The following CAPZA1 variants were observed in gnomAD, a reference collection of about 807,000 sequenced individuals.
CAPZA1 encodes capping actin protein of muscle Z-line subunit alpha 1.
CAPZA1 carries 10 observed loss-of-function variants against 40.8 expected under a neutral mutation model. The observed-to-expected ratio is 0.25, with a 90% CI of 0.15 to 0.42. CAPZA1 has a LOEUF of 0.42. Among genes scored for constraint, CAPZA1 ranks in the 10% least tolerant of loss-of-function variants. The pLI, the probability that CAPZA1 is intolerant of heterozygous loss-of-function variation, is 1.00. For missense variants in CAPZA1, 277 were observed against 353.8 expected (o/e 0.78, Z 1.74); for synonymous variants, 98 against 115.0 (o/e 0.85, Z 0.95).
chr1:112,620,719 T>C (rs541985388), intron 1 of CAPZA1: 7 of 152,362 alleles, frequency 4.6e-5, no homozygotes, highest in South Asian at 2.1e-4. Context: ...TTTGATCAGT[T>C]GAATTTGTCA....
chr1:112,653,865 C>A (rs932227303), intron 4 of CAPZA1, among the ~76,000 whole-genome samples: 3 of 152,142 alleles, frequency 2.0e-5, no homozygotes, highest in Admixed American at 2.0e-4. Context: ...AGCCTCTTAA[C>A]AAGAACAGTG....
chr1:112,630,916 G>GT (rs1670906490), intron 1 of CAPZA1, among the ~76,000 whole-genome samples: 1 of 152,212 alleles, frequency 6.6e-6, no homozygotes, highest in Non-Finnish European at 1.5e-5. Context: ...TATGTTGTTT[G>GT]TATCTACCAG....
At chr1:112,655,074 A>G (rs1056332069) in intron 5 of CAPZA1, among the ~76,000 whole-genome samples, 2 of 152,112 alleles carry the variant, frequency 1.3e-5, no homozygotes, top group African/African-American at 4.8e-5. Flanking sequence ...ATGGTATACT[A>G]AGATTGTTGA....
At chr1:112,669,913 A>G (rs2101196013) in intron 9 of CAPZA1, 79 bp from the exon 10 acceptor site, 1 of 1,507,572 alleles carries the variant, frequency 6.6e-7, no homozygotes, top group Non-Finnish European at 9.2e-7. Context: ...AAGCATATCC[A>G]TTGACTATAG....
chr1:112,622,946 T>G (rs1204588893), intron 1 of CAPZA1, among the ~76,000 whole-genome samples: 1 of 151,072 alleles, frequency 6.6e-6, no homozygotes, highest in Non-Finnish European at 1.5e-5. Context: ...AGTGCAGTGG[T>G]ACGATCTCGG....
chr1:112,670,321 A>G lies in CAPZA1; in HGVS notation c.*189A>G. ...GATTCTTTTGTGTTCTCTGCCTTGTAATTTTCTGTTACTGCTATATCTACG... is the reference window on the plus strand; with the variant it reads ...GATTCTTTTGTGTTCTCTGCCTTGTGATTTTCTGTTACTGCTATATCTACG... On this transcript the variant is annotated 3_prime_UTR_variant, in exon 10 of 10. Coordinates refer to ENST00000263168, the MANE Select transcript of CAPZA1 (RefSeq NM_006135.3). 2.2e-6 allele frequency: 1 copy of G among 458,434 alleles called. No homozygotes were observed. Among genetic ancestry groups the G allele is most frequent in the Non-Finnish European group, 3.8e-6 (1 of 264,094 alleles). 28.4% of individuals were successfully genotyped at this position (458,434 alleles called of 1,614,324 possible).
Position 112,654,731 on chromosome 1 carries a change from G to A in CAPZA1, c.426+60G>A. Reference sequence around the variant, plus strand: ...TTTTCTTATATTTACCTTATCCTTTGGAGGCTTTGGCCTACCAAACATCCC... The same window carrying A: ...TTTTCTTATATTTACCTTATCCTTTAGAGGCTTTGGCCTACCAAACATCCC... On this transcript the variant is annotated intron_variant, in intron 5 of 9. Coordinates refer to ENST00000263168, the MANE Select transcript of CAPZA1 (RefSeq NM_006135.3). 3 of 1,162,290 alleles carry A rather than the reference G, an allele frequency of 2.6e-6. No homozygotes were observed. In the South Asian group the frequency reaches 5.2e-5, roughly 20 times the overall value. The allele number at this position is 1,162,290 out of a possible 1,614,324, so 72.0% of individuals were successfully genotyped here. A position where few individuals can be genotyped will look rare whatever the true frequency, so the allele number is the denominator to read the frequency against.
Position 112,647,204 on chromosome 1 carries a change from C to G in CAPZA1, c.40-6C>G, listed in dbSNP as rs746373555. The stretch of plus-strand genomic sequence containing the variant: ...TCTCCTAAGTGTAAATTTTGTTTCT[C>G]TTTAGGTACGCATAGCTGCTAAATT... On this transcript the variant is annotated splice_region_variant and splice_polypyrimidine_tract_variant and intron_variant, in intron 1 of 9. Transcript: ENST00000263168. 4.1e-6 allele frequency: 6 copies of G among 1,475,796 alleles called. No homozygotes were observed. Among genetic ancestry groups the G allele is most frequent in the Non-Finnish European group, 4.6e-6 (5 of 1,094,800 alleles). 91.4% of individuals were successfully genotyped at this position (1,475,796 alleles called of 1,614,324 possible).
chr1:112,644,538 T>C (rs1250189363), intron 1 of CAPZA1, among the ~76,000 whole-genome samples: 1 of 152,094 alleles, frequency 6.6e-6, no homozygotes, highest in East Asian at 1.9e-4. Flanking sequence ...TTTTTTCTGC[T>C]GAAGAATAGT....
chr1:112,644,982 TC>T (rs1671253864), intron 1 of CAPZA1, among the ~76,000 whole-genome samples: 1 of 152,210 alleles, frequency 6.6e-6, no homozygotes, highest in South Asian at 2.1e-4. Context: ...ACTTAGCTCC[TC>T]CCTTCTCTCC....
intron 1 of CAPZA1, among the ~76,000 whole-genome samples, chr1:112,629,167 T>G (rs1670872599): frequency 6.6e-6 from 1 of 152,204 alleles, no homozygotes; most frequent in African/African-American, 2.4e-5. Flanking sequence ...TGACTTTATC[T>G]CCTACATGTT....
chr1:112,628,800 A>G (rs1012832502), intron 1 of CAPZA1, among the ~76,000 whole-genome samples: 17 of 152,232 alleles, frequency 1.1e-4, no homozygotes, highest in African/African-American at 3.1e-4. Flanking sequence ...GGTCAAAAAC[A>G]TTAGTGTTAT....
chr1:112,639,849 C>A (rs528603529), intron 1 of CAPZA1, among the ~76,000 whole-genome samples: 39 of 139,126 alleles, frequency 2.8e-4, no homozygotes, highest in South Asian at 4.7e-4. Context: ...CCAGCCGCCC[C>A]GTCCGGGAGG....
chr1:112,637,807 A>G (rs1671050885), intron 1 of CAPZA1, among the ~76,000 whole-genome samples: 1 of 152,192 alleles, frequency 6.6e-6, no homozygotes, highest in South Asian at 2.1e-4. Flanking sequence ...GGTTGAAAAC[A>G]AAAAAAGAAT....
intron 1 of CAPZA1, among the ~76,000 whole-genome samples, chr1:112,641,210 A>G (rs1671150357): frequency 6.9e-6 from 1 of 143,902 alleles, no homozygotes; most frequent in Non-Finnish European, 1.5e-5. Flanking sequence ...ACACCCAAGA[A>G]TGATCAATAA....
intron 1 of CAPZA1, among the ~76,000 whole-genome samples, chr1:112,626,432 CA>C (rs34614213): frequency 0.017 from 2,134 of 126,456 alleles, 25 homozygotes; most frequent in East Asian, 0.078. Context: ...CGGTCTCTAC[CA>C]AAAAAAAAAA....
chr1:112,666,859 G>A, intron 7 of CAPZA1: 1 of 515,080 alleles, frequency 1.9e-6, no homozygotes. Context: ...TTAATAATCA[G>A]TTTTCCTTGC....
chr1:112,665,271 G>A (rs575887645), intron 7 of CAPZA1, among the ~76,000 whole-genome samples: 153 of 150,840 alleles, frequency 1.0e-3, no homozygotes, highest in South Asian at 1.7e-3. Flanking sequence ...CCGCCTCCTG[G>A]GTTCAAGCAA....
At chr1:112,661,658 A>C (rs1671611091) in intron 7 of CAPZA1, among the ~76,000 whole-genome samples, 1 of 152,224 alleles carries the variant, frequency 6.6e-6, no homozygotes, top group Non-Finnish European at 1.5e-5. Context: ...CCATGGTATC[A>C]GCATTGTAGA....
Sources: allele counts gnomAD v4.1 joint callset (sites outside exome capture counted in the v4.1 genomes callset), GRCh38; gene constraint gnomAD v4.1.1; transcripts MANE v1.5; gene names NCBI Gene and HGNC (gene_info 2026-07-23, HGNC 2026-07-21).